BRWD3: variants seen among roughly 807,000 people sequenced by gnomAD.
BRWD3 encodes the protein bromodomain and WD repeat domain containing 3.
In BRWD3, 10 loss-of-function variants were observed where a neutral mutation model predicts 149.7. The ratio of observed to expected loss-of-function variants is 0.07; its 90% CI spans 0.04 to 0.11. BRWD3 has a LOEUF of 0.11. Ranked by LOEUF, BRWD3 falls within the 10% of genes least tolerant of loss-of-function variation. The probability of loss-of-function intolerance (pLI) is 1.00; values close to 1 mark genes in which losing one functional copy is unlikely to be tolerated. For missense variants in BRWD3, 940 were observed against 1,373.2 expected, an observed-to-expected ratio of 0.68 and a Z score of 4.99; for synonymous variants, 504 against 456.7, an observed-to-expected ratio of 1.10 and a Z score of -1.32.
intron 20 of BRWD3, among the ~76,000 whole-genome samples, chrX:80,711,422 AAAG>A (rs2072966212): frequency 1.8e-5 from 2 of 111,884 alleles, no homozygotes; most frequent in Non-Finnish European, 3.8e-5. Flanking sequence ...TACAACAGAG[AAAG>A]AAGGAAATCA....
intron 4 of BRWD3, among the ~76,000 whole-genome samples, chrX:80,806,816 C>A (rs1324700147): frequency 5.3e-5 from 6 of 112,332 alleles, no homozygotes; most frequent in Non-Finnish European, 1.1e-4. Flanking sequence ...AAAATGGACA[C>A]TGATCACAAT....
intron 6 of BRWD3, among the ~76,000 whole-genome samples, chrX:80,785,371 T>C (rs750400830): frequency 1.5e-4 from 17 of 112,010 alleles, no homozygotes; most frequent in Non-Finnish European, 2.4e-4. Flanking sequence ...GCTCTTGCCA[T>C]AAGAAATCTA....
chrX:80,802,786 C>T (rs1278737003), intron 4 of BRWD3, among the ~76,000 whole-genome samples: 1 of 110,635 alleles, frequency 9.0e-6, no homozygotes, highest in East Asian at 2.8e-4. Flanking sequence ...AGGGTCTTTT[C>T]TACTACTCAC....
At chrX:80,697,642 A>C (rs1321688767) in intron 25 of BRWD3, among the ~76,000 whole-genome samples, 2 of 111,569 alleles carry the variant, frequency 1.8e-5, no homozygotes, top group Non-Finnish European at 3.8e-5. Flanking sequence ...TGCTGTTGTA[A>C]AGGCCATGAC....
At chrX:80,764,535 G>A (rs1352769621) in intron 6 of BRWD3, among the ~76,000 whole-genome samples, 6 of 108,412 alleles carry the variant, frequency 5.5e-5, no homozygotes, top group South Asian at 8.1e-4. Flanking sequence ...GGATGGTCTC[G>A]ATCTCCTGAC....
chrX:80,795,387 AT>A (rs1301712567), intron 4 of BRWD3, among the ~76,000 whole-genome samples: 1 of 109,938 alleles, frequency 9.1e-6, no homozygotes, highest in African/African-American at 3.3e-5. Context: ...ATACACACAT[AT>A]ATACATATAT....
At chrX:80,744,476 T>G (rs1421309046) in intron 7 of BRWD3, among the ~76,000 whole-genome samples, 3 of 112,293 alleles carry the variant, frequency 2.7e-5, no homozygotes, top group African/African-American at 9.7e-5. Flanking sequence ...GTGAAGAACT[T>G]TTCAAAATTA....
intron 6 of BRWD3, among the ~76,000 whole-genome samples, chrX:80,786,577 C>A (rs2074110337): frequency 1.8e-5 from 2 of 110,777 alleles, no homozygotes; most frequent in African/African-American, 6.6e-5. Context: ...GTCAGTCGTG[C>A]AATTTTGGCT....
chrX:80,758,186 C>T (rs771572074), intron 6 of BRWD3, among the ~76,000 whole-genome samples: 4 of 110,011 alleles, frequency 3.6e-5, no homozygotes, highest in African/African-American at 9.9e-5. Flanking sequence ...GCAACAAGAG[C>T]GAAACTCCAT....
chrX:80,751,947 C>T (rs1229022362), intron 6 of BRWD3, among the ~76,000 whole-genome samples: 1 of 107,068 alleles, frequency 9.3e-6, no homozygotes, highest in Non-Finnish European at 1.9e-5. Context: ...ATATATAGCA[C>T]ATTTTCCTTT....
At position 80,696,803 on chromosome X, in the gene BRWD3, A is replaced by G; in HGVS notation, c.3004T>C (p.Cys1002Arg). 2.5e-6 allele frequency: 3 copies of G among 1,209,803 alleles called. No individual in the cohort carries two copies. Among genetic ancestry groups the G allele is most frequent in the Non-Finnish European group, 3.4e-6 (3 of 893,626 alleles). ...KYEVGPPTLC[C>R]LKLAFLDPIS... ...GGGTCCAGAAATGCAAGCTTCAAGCAGCACAGTGTGGGTGGGCCAACCTCA... is the reference window on the plus strand; with the variant it reads ...GGGTCCAGAAATGCAAGCTTCAAGCGGCACAGTGTGGGTGGGCCAACCTCA... Residue 1002 changes from cysteine to arginine, a missense_variant, in exon 26 of 41, where the codon TGC (cysteine) becomes CGC (arginine). Cys to Arg is a radical substitution (Grantham distance 180, BLOSUM62 -3). Around this residue, in one of 6 missense-constraint regions of BRWD3, gnomAD observed 158 missense variants for 284.0 expected, o/e 0.56. Coordinates refer to ENST00000373275, the MANE Select transcript of BRWD3 (RefSeq NM_153252.5).
intron 4 of BRWD3, 52 bp from the exon 5 acceptor site, chrX:80,793,824 A>C (rs1265286500): frequency 9.5e-7 from 1 of 1,052,899 alleles, no homozygotes; most frequent in Non-Finnish European, 1.3e-6. Flanking sequence ...TGGTTTAAAA[A>C]TATAAATCTA....
In BRWD3 at chrX:80,686,507, G is replaced by A. The variant is rs767052508; in HGVS notation, c.4005+356C>T. Among the ~76,000 whole-genome samples the A allele has an allele frequency of 2.7e-5, 3 of 109,615 alleles. No homozygotes were observed. The South Asian group carries it at 1.1e-3, about 42-fold the overall frequency. ...ACTGGTTACTCTAAGTGGCCATATT[G>A]ATAACACATTCAGTATAAATTACAC... is the stretch of plus-strand genomic sequence containing the variant. On this transcript the variant is annotated intron_variant, in intron 35 of 40. Coordinates refer to ENST00000373275, the MANE Select transcript of BRWD3 (RefSeq NM_153252.5).
Position 80,703,585 on chromosome X carries a change from T to A in BRWD3, c.2730A>T (p.Gly910=). Residue 910 remains glycine (G), a synonymous_variant, in exon 24 of 41, where the codon GGA becomes GGT. Transcript: ENST00000373275. ...TAGGCTCACCTGCTATAGAAACCAG[T>A]CCTCCTTTCTAAAACATAAATACAC... ...KPKQTRKKKG[G]LVSIAGEPNE... is the part of the protein sequence containing the mutation. 8.4e-7 allele frequency: 1 copy of A among 1,189,215 alleles called. No individual in the cohort carries two copies. The highest frequency in any genetic ancestry group is 1.8e-5 in the South Asian group (1 of 54,767).
intron 33 of BRWD3, among the ~76,000 whole-genome samples, chrX:80,689,420 GC>G (rs764560427): frequency 9.0e-6 from 1 of 111,283 alleles, no homozygotes; most frequent in South Asian, 3.7e-4. Context: ...TTTCTATACA[GC>G]ATATAGAAAA....
In BRWD3 at chrX:80,774,209, A is replaced by G. The variant is rs771527105; in HGVS notation, c.430+17645T>C. ...GCATATATATTTTTGTTCTATCCTG[A>G]CCCACCTTTATTGAAATGCTGATGG... is the stretch of plus-strand genomic sequence containing the variant. On this transcript the variant is annotated intron_variant, in intron 6 of 40. Coordinates refer to ENST00000373275, the MANE Select transcript of BRWD3 (RefSeq NM_153252.5). Among the ~76,000 whole-genome samples, 4 of 109,975 alleles carry G rather than the reference A, an allele frequency of 3.6e-5. No homozygotes were observed. In the South Asian group the frequency reaches 1.5e-3, roughly 42 times the overall value.
At position 80,669,852 on chromosome X, in the gene BRWD3, T is replaced by G. The variant is rs2072309922; in HGVS notation, c.*6757A>C. The stretch of plus-strand genomic sequence containing the variant: ...GTTTTTATTTCTTCATATATTTACT[T>G]ACAAAACTTATAAAATTGAAGAGAA... On this transcript the variant is annotated 3_prime_UTR_variant, in exon 41 of 41. Transcript: ENST00000373275. Among the ~76,000 whole-genome samples, 1 of 111,454 alleles carries G rather than the reference T, an allele frequency of 9.0e-6. No individual in the cohort carries two copies. The highest frequency in any genetic ancestry group is 9.6e-5 in the Admixed American group (1 of 10,430).
intron 6 of BRWD3, among the ~76,000 whole-genome samples, chrX:80,750,886 AC>A (rs2073657161): frequency 9.1e-6 from 1 of 109,500 alleles, no homozygotes; most frequent in Non-Finnish European, 1.9e-5. Flanking sequence ...ACACACACAC[AC>A]ACACACGCAA....
chrX:80,768,098 G>A (rs143473906), intron 6 of BRWD3, among the ~76,000 whole-genome samples: 9,337 of 111,523 alleles, frequency 0.084, 374 homozygotes, highest in South Asian at 0.19. Context: ...CCAAATCTAC[G>A]TCTGATTAGT....
Sources: gnomAD v4.1 joint callset for allele counts (sites outside exome capture counted in the v4.1 genomes callset) on GRCh38, gnomAD v4.1.1 for gene constraint, gnomAD v4.1.1 regional missense constraint, MANE v1.5 for transcripts, NCBI Gene and HGNC (gene_info 2026-07-23, HGNC 2026-07-21) for gene names.